Variants in CASK observed in about 807,000 individuals in gnomAD.
The protein encoded by CASK is peripheral plasma membrane protein CASK.
Under a neutral mutation model 82.9 loss-of-function variants are expected in CASK, and 4 were observed. That is an observed-to-expected ratio of 0.05 (90% CI 0.02 to 0.11). CASK has a LOEUF of 0.11. Ranked by LOEUF, CASK falls within the 10% of genes least tolerant of loss-of-function variation. The probability of loss-of-function intolerance (pLI) is 1.00; values close to 1 mark genes in which losing one functional copy is unlikely to be tolerated. For synonymous variants in CASK, 259 were observed against 253.5 expected (o/e 1.02, Z -0.20); for missense variants, 358 against 720.9 (o/e 0.50, Z 5.76).
At chrX:41,613,725 T>A (rs757397418) in intron 11 of CASK, among the ~76,000 whole-genome samples, 111 of 103,188 alleles carry the variant, frequency 1.1e-3, no homozygotes, top group African/African-American at 3.8e-3. Context: ...ACAAAACATA[T>A]ATGCAAACTC....
chrX:41,522,622 G>A (rs1190392609), intron 26 of CASK, among the ~76,000 whole-genome samples: 2 of 112,012 alleles, frequency 1.8e-5, no homozygotes, highest in Non-Finnish European at 3.8e-5. Context: ...TCTGGCACAC[G>A]GGATTCTATT....
At chrX:41,781,235 C>A (rs1355033896) in intron 3 of CASK, among the ~76,000 whole-genome samples, 5 of 112,690 alleles carry the variant, frequency 4.4e-5, no homozygotes, top group African/African-American at 1.6e-4. Context: ...CTGAGCCCAG[C>A]CATCAACTAG....
chrX:41,630,175 T>C (rs2066441981), intron 9 of CASK, among the ~76,000 whole-genome samples: 1 of 112,396 alleles, frequency 8.9e-6, no homozygotes, highest in Non-Finnish European at 1.9e-5. Flanking sequence ...ATCATAATTA[T>C]AGTTTTCTTG....
intron 25 of CASK, among the ~76,000 whole-genome samples, chrX:41,527,159 G>A (rs1023737978): frequency 6.3e-5 from 7 of 110,459 alleles, no homozygotes; most frequent in Non-Finnish European, 1.1e-4. Flanking sequence ...ATTTCTCTCC[G>A]AATCTCTCTG....
intron 5 of CASK, among the ~76,000 whole-genome samples, chrX:41,702,215 G>A (rs1057140995): frequency 2.8e-5 from 3 of 107,079 alleles, no homozygotes; most frequent in South Asian, 4.0e-4. Flanking sequence ...GAGAAACCCC[G>A]TCTCTACTAA....
intron 22 of CASK, among the ~76,000 whole-genome samples, chrX:41,540,077 A>G (rs2064927758): frequency 8.9e-6 from 1 of 111,907 alleles, no homozygotes; most frequent in Non-Finnish European, 1.9e-5. Flanking sequence ...ACTTTCTTTC[A>G]AAGGAGGGCC....
At chrX:41,697,926 C>G (rs142452497) in intron 5 of CASK, 2 of 110,294 alleles carry the variant, frequency 1.8e-5, no homozygotes, top group East Asian at 5.7e-4. Flanking sequence ...CTCAGCCTCC[C>G]GAGTAGCTGG....
In CASK at chrX:41,739,520, T is replaced by C; in HGVS notation, c.357-64A>G. The C allele has an allele frequency of 5.6e-6, 4 of 714,157 alleles. No individual in the cohort carries two copies. The Middle Eastern group carries it at 1.6e-3, about 284-fold the overall frequency. The allele number at this position is 714,157 out of a possible 1,213,427, so 58.9% of individuals were successfully genotyped here. Reference sequence around the variant, plus strand: ...TTTTATTTTAAAACTTAATATACAGTGCTCCTAGTTTATAACTCCCACTCT... The same window carrying C: ...TTTTATTTTAAAACTTAATATACAGCGCTCCTAGTTTATAACTCCCACTCT... On this transcript the variant is annotated intron_variant, in intron 4 of 26. Transcript: ENST00000378163.
chrX:41,847,647 T>C (rs767456967), intron 2 of CASK, among the ~76,000 whole-genome samples: 20 of 112,326 alleles, frequency 1.8e-4, no homozygotes, highest in Non-Finnish European at 2.8e-4. Context: ...TAAATAATAT[T>C]ATGTGTCAAC....
intron 11 of CASK, among the ~76,000 whole-genome samples, chrX:41,620,077 C>T (rs1423095768): frequency 8.9e-6 from 1 of 112,250 alleles, no homozygotes; most frequent in Non-Finnish European, 1.9e-5. Flanking sequence ...TTTTGATATA[C>T]CCAAGTTTTC....
intron 5 of CASK, among the ~76,000 whole-genome samples, chrX:41,702,086 C>CA (rs60872681): frequency 2.7e-5 from 3 of 109,790 alleles, no homozygotes; most frequent in African/African-American, 1.0e-4. Flanking sequence ...TGTATGATGT[C>CA]AAAAAAAACA....
At position 41,517,171 on chromosome X, in the gene CASK, G is replaced by A. The variant is rs781562542; in HGVS notation, c.*3249C>T. 3.3e-4 allele frequency: 38 copies of A among 113,572 alleles called. No individual in the cohort carries two copies. The highest frequency in any genetic ancestry group is 1.1e-3 in the African/African-American group (35 of 31,013). The allele number at this position is 113,572 out of a possible 1,213,427, so 9.4% of individuals were successfully genotyped here. On this transcript the variant is annotated 3_prime_UTR_variant, in exon 27 of 27. Transcript: ENST00000378163. Reference sequence around the variant, plus strand: ...CTAGCAGCCTAAGAAGGAATTGGACGGGGAACAGGAACACCTCCTGCATTT... The same window carrying A: ...CTAGCAGCCTAAGAAGGAATTGGACAGGGAACAGGAACACCTCCTGCATTT...
intron 8 of CASK, among the ~76,000 whole-genome samples, chrX:41,640,394 G>C: frequency 9.0e-6 from 1 of 110,507 alleles, no homozygotes; most frequent in Admixed American, 9.7e-5. Context: ...AGTAGAGATG[G>C]GGTTTCACCA....
chrX:41,702,450 T>C (rs980428895), intron 5 of CASK, among the ~76,000 whole-genome samples: 6 of 110,187 alleles, frequency 5.4e-5, no homozygotes, highest in Non-Finnish European at 1.1e-4. Context: ...TTAATATGTA[T>C]TGGGGGCAAA....
At position 41,534,735 on chromosome X, in the gene CASK, T is replaced by G. The variant is rs746390137; in HGVS notation, c.2288A>C (p.His763Pro). 4 of 1,206,721 alleles carry G rather than the reference T, an allele frequency of 3.3e-6. No individual in the cohort carries two copies. The African/African-American group carries it at 7.0e-5, about 21-fold the overall frequency. ...AATAGGGTACGCAAACCGGTCTGGG[T>G]GCTTTGTGATGAGAGTGTTTTTTAT... ...RHIKNTLITKHPDRFAYPIPH... is the reference protein window; with the variant it reads ...RHIKNTLITKPPDRFAYPIPH... The change falls in exon 24 of 27, where the codon CAC becomes CCC. Residue 763 changes from histidine to proline, a missense_variant. His to Pro is a moderately conservative substitution (Grantham distance 77, BLOSUM62 -2). This residue lies in a region of CASK where 118 missense variants were observed against 169.4 expected (regional missense o/e 0.70). Transcript: ENST00000378163.
chrX:41,681,894 C>T (rs1234267530), intron 5 of CASK, among the ~76,000 whole-genome samples: 3 of 107,457 alleles, frequency 2.8e-5, no homozygotes, highest in East Asian at 2.9e-4. Context: ...TGTAGTGAGC[C>T]GAGATTGCAC....
intron 25 of CASK, among the ~76,000 whole-genome samples, chrX:41,528,730 G>C (rs1031426568): frequency 1.8e-5 from 2 of 111,940 alleles, no homozygotes; most frequent in African/African-American, 3.3e-5. Context: ...GAGTGGGAAA[G>C]GGGGATGGAG....
Position 41,799,713 on chromosome X carries a change from A to G in CASK, c.173-12430T>C, listed in dbSNP as rs147732663. Among the ~76,000 whole-genome samples the G allele has an allele frequency of 3.2e-3, 340 of 105,471 alleles. 3 individuals carry two copies. The highest frequency in any genetic ancestry group is 0.011 in the African/African-American group (315 of 28,848). The allele number at this position is 105,471 out of a possible 115,157, so 91.6% of individuals were successfully genotyped here. ...TCAAAGGGCTTACAACAAATAGAGA[A>G]GCATTTATTCAATAGAATCTACAGA... is the stretch of plus-strand genomic sequence containing the variant. On this transcript the variant is annotated intron_variant, in intron 2 of 26. Transcript: ENST00000378163.
intron 11 of CASK, among the ~76,000 whole-genome samples, chrX:41,610,966 T>C (rs1274559382): frequency 8.9e-6 from 1 of 112,359 alleles, no homozygotes; most frequent in Non-Finnish European, 1.9e-5. Context: ...AAGTGTCTCA[T>C]TGCACATTTA....
Sources: gnomAD v4.1 joint callset for allele counts (sites outside exome capture counted in the v4.1 genomes callset) on GRCh38, gnomAD v4.1.1 for gene constraint, gnomAD v4.1.1 regional missense constraint, MANE v1.5 for transcripts, NCBI Gene and HGNC (gene_info 2026-07-23, HGNC 2026-07-21) for gene names.